Variants in KCNMB4 observed in about 807,000 individuals in gnomAD.
KCNMB4 encodes the protein potassium calcium-activated channel subfamily M regulatory beta subunit 4.
Under a neutral mutation model 20.7 loss-of-function variants are expected in KCNMB4, and 3 were observed. The observed-to-expected ratio is 0.14, with a 90% confidence interval of 0.07 to 0.37. The LOEUF is 0.37. Among genes scored for constraint, KCNMB4 ranks in the 10% least tolerant of loss-of-function variants. The pLI is 1.00. For missense variants in KCNMB4, 168 were observed against 265.9 expected (o/e 0.63, Z 2.56); for synonymous variants, 110 against 113.4 (o/e 0.97, Z 0.19).
chr12:70,424,953 ATCAGC>A (rs2136143201), intron 2 of KCNMB4, among the ~76,000 whole-genome samples: 1 of 152,348 alleles, frequency 6.6e-6, no homozygotes, highest in African/African-American at 2.4e-5. Context: ...TCTCAGTAAG[ATCAGC>A]TCAGTTATGC....
chr12:70,407,296 G>A (rs541628441), intron 2 of KCNMB4, among the ~76,000 whole-genome samples: 1 of 152,050 alleles, frequency 6.6e-6, no homozygotes, highest in African/African-American at 2.4e-5. Flanking sequence ...CACCTTCCCA[G>A]CACCTTGATG....
chr12:70,369,871 A>G (rs914500666), intron 1 of KCNMB4, among the ~76,000 whole-genome samples: 4 of 152,158 alleles, frequency 2.6e-5, no homozygotes, highest in African/African-American at 9.7e-5. Flanking sequence ...AAGGCAACAA[A>G]TTGTCCACAG....
chr12:70,398,888 G>T (rs1477845411), intron 1 of KCNMB4, among the ~76,000 whole-genome samples: 1 of 152,174 alleles, frequency 6.6e-6, no homozygotes, highest in Non-Finnish European at 1.5e-5. Context: ...TGAGTCCCAT[G>T]GCAGCACAAA....
chr12:70,369,599 G>GA (rs144604480), intron 1 of KCNMB4, among the ~76,000 whole-genome samples: 1,698 of 152,262 alleles, frequency 0.011, 31 homozygotes, highest in African/African-American at 0.038. Flanking sequence ...TCACTTCTTA[G>GA]AAAAAATAGA....
chr12:70,370,947 C>G (rs1449895258), intron 1 of KCNMB4, among the ~76,000 whole-genome samples: 1 of 152,166 alleles, frequency 6.6e-6, no homozygotes, highest in African/African-American at 2.4e-5. Flanking sequence ...ACTTCCGCCT[C>G]CTGGGTTCAA....
At chr12:70,367,434 G>T (rs754232840) in intron 1 of KCNMB4, among the ~76,000 whole-genome samples, 8 of 152,134 alleles carry the variant, frequency 5.3e-5, no homozygotes, top group Non-Finnish European at 1.2e-4. Context: ...TGGTTAGCGG[G>T]GATCCACCTA....
chr12:70,382,764 A>G (rs1883813507), intron 1 of KCNMB4, among the ~76,000 whole-genome samples: 1 of 152,256 alleles, frequency 6.6e-6, no homozygotes, highest in Non-Finnish European at 1.5e-5. Flanking sequence ...GTAAAATACT[A>G]GGCATGAACA....
At position 70,434,089 on chromosome 12, in the gene KCNMB4, G is replaced by A. The variant is rs1178474612; in HGVS notation, c.*3436G>A. On this transcript the variant is annotated 3_prime_UTR_variant, in exon 3 of 3. Transcript: ENST00000258111. ...TGCTGCACATCTGGGCAAGCTGATG[G>A]AAGCATGGGTGCCTCCTCCTTTGGC... 1.3e-5 allele frequency: 2 copies of A among 152,168 alleles called. No individual in the cohort carries two copies. Among genetic ancestry groups the A allele is most frequent in the African/African-American group, 4.8e-5 (2 of 41,416 alleles). The allele number at this position is 152,168 out of a possible 1,614,324, so 9.4% of individuals were successfully genotyped here.
At chr12:70,372,387 A>G (rs1053255680) in intron 1 of KCNMB4, among the ~76,000 whole-genome samples, 1 of 152,246 alleles carries the variant, frequency 6.6e-6, no homozygotes, top group Non-Finnish European at 1.5e-5. Flanking sequence ...GTATGTTTAC[A>G]TGCACATGCA....
chr12:70,383,218 G>A (rs1883825598), intron 1 of KCNMB4, among the ~76,000 whole-genome samples: 2 of 152,070 alleles, frequency 1.3e-5, no homozygotes, highest in South Asian at 2.1e-4. Context: ...ATTTCACAAC[G>A]TACACATATA....
chr12:70,427,432 A>G (rs890975542), intron 2 of KCNMB4, among the ~76,000 whole-genome samples: 1 of 152,260 alleles, frequency 6.6e-6, no homozygotes, highest in Non-Finnish European at 1.5e-5. Flanking sequence ...GAAGGAGATT[A>G]TGGAGCACCT....
chr12:70,421,783 A>G (rs1205102123), intron 2 of KCNMB4, among the ~76,000 whole-genome samples: 1 of 151,040 alleles, frequency 6.6e-6, no homozygotes, highest in Non-Finnish European at 1.5e-5. Context: ...AGGTTTCACT[A>G]TGTTAGCCAG....
At chr12:70,408,956 A>G (rs1191097814) in intron 2 of KCNMB4, among the ~76,000 whole-genome samples, 1 of 151,968 alleles carries the variant, frequency 6.6e-6, no homozygotes, top group Non-Finnish European at 1.5e-5. Flanking sequence ...CTTTTCATAC[A>G]ATTTCCTTTC....
intron 1 of KCNMB4, among the ~76,000 whole-genome samples, chr12:70,375,094 A>G (rs1883662300): frequency 6.6e-6 from 1 of 152,212 alleles, no homozygotes; most frequent in South Asian, 2.1e-4. Context: ...AACAAAATTC[A>G]TCACTATTTC....
At position 70,432,315 on chromosome 12, in the gene KCNMB4, T is replaced by C. The variant is rs1869390472; in HGVS notation, c.*1662T>C. The C allele has an allele frequency of 6.6e-6, 1 of 152,146 alleles. No homozygotes were observed. Among genetic ancestry groups the C allele is most frequent in the Non-Finnish European group, 1.5e-5 (1 of 68,028 alleles). The allele number at this position is 152,146 out of a possible 1,614,324, so 9.4% of individuals were successfully genotyped here. ...AAGTGCTGGGATTACAGGCCAATGTTTTCTTAATCTTAGAATGTGAATAAC... is the reference window on the plus strand; with the variant it reads ...AAGTGCTGGGATTACAGGCCAATGTCTTCTTAATCTTAGAATGTGAATAAC... On this transcript the variant is annotated 3_prime_UTR_variant, in exon 3 of 3. Transcript: ENST00000258111.
At chr12:70,386,366 A>G (rs1008650136) in intron 1 of KCNMB4, among the ~76,000 whole-genome samples, 2 of 152,154 alleles carry the variant, frequency 1.3e-5, no homozygotes, top group Non-Finnish European at 2.9e-5. Context: ...TAAATGTACC[A>G]CAAATAAAGA....
At chr12:70,368,685 G>A (rs1201916194) in intron 1 of KCNMB4, among the ~76,000 whole-genome samples, 2 of 152,072 alleles carry the variant, frequency 1.3e-5, no homozygotes, top group Admixed American at 1.3e-4. Context: ...TTTAGAAGTT[G>A]TTATAGTTGG....
chr12:70,389,321 A>G (rs1276859192), intron 1 of KCNMB4, among the ~76,000 whole-genome samples: 3 of 152,206 alleles, frequency 2.0e-5, no homozygotes, highest in Non-Finnish European at 4.4e-5. Flanking sequence ...GCAGAATTGT[A>G]AAACCCATTT....
In KCNMB4 at chr12:70,415,833, A is replaced by C. The variant is rs542015552; in HGVS notation, c.465-14652A>C. Among the ~76,000 whole-genome samples, 4 of 152,324 alleles carry C rather than the reference A, an allele frequency of 2.6e-5. No individual in the cohort carries two copies. In the South Asian group the frequency reaches 8.3e-4, roughly 32 times the overall value. On this transcript the variant is annotated intron_variant, in intron 2 of 2. Coordinates refer to ENST00000258111, the MANE Select transcript of KCNMB4 (RefSeq NM_014505.6). ...GCACCTAGAGCACATGCCAAGCATT[A>C]TTCTGGGTAATGGGAATATAAACAT...
Sources: allele counts gnomAD v4.1 joint callset (sites outside exome capture counted in the v4.1 genomes callset), GRCh38; gene constraint gnomAD v4.1.1; transcripts MANE v1.5; gene names NCBI Gene and HGNC (gene_info 2026-07-23, HGNC 2026-07-21).